STK33: variants seen among roughly 807,000 people sequenced by gnomAD.
STK33 encodes the protein serine/threonine kinase 33, also known as serine/threonine-protein kinase 33.
A neutral mutation model predicts 58.0 loss-of-function variants in STK33; 52 were observed. The ratio of observed to expected loss-of-function variants is 0.90; its 90% CI spans 0.72 to 1.13. The LOEUF is 1.13. STK33 is among the 50% of genes most tolerant of loss of function. The probability of loss-of-function intolerance (pLI) is 0.00; values close to 1 mark genes in which losing one functional copy is unlikely to be tolerated. For missense variants in STK33, 630 were observed against 604.2 expected (o/e 1.04, Z -0.45); for synonymous variants, 215 against 200.1 (o/e 1.07, Z -0.63).
chr11:8,586,218 G>GA (rs142885342), intron 1 of STK33, among the ~76,000 whole-genome samples: 7,623 of 101,774 alleles, frequency 0.075, 285 homozygotes, highest in Middle Eastern at 0.097. Flanking sequence ...TCCTATCTCG[G>GA]AAAAAAAAAA....
At chr11:8,537,023 C>T (rs1404878881) in intron 1 of STK33, among the ~76,000 whole-genome samples, 1 of 128,882 alleles carries the variant, frequency 7.8e-6, no homozygotes, top group Non-Finnish European at 1.6e-5. Flanking sequence ...CTCTGTCACC[C>T]AGGCTGGAGT....
rs867465996 is a variant in STK33 at position 8,459,895 on chromosome 11, A to C, written c.558+1910T>G. On this transcript the variant is annotated intron_variant, in intron 8 of 15. Transcript: ENST00000687296. ...CCAAAGCTGGGGGGGAAATATGCAA[A>C]AAGGGCAGAGGGAACAATCACTGGA... is the stretch of plus-strand genomic sequence containing the variant. 2.0e-5 allele frequency among the ~76,000 whole-genome samples: 3 copies of C among 152,224 alleles called. No homozygotes were observed. In the South Asian group the frequency reaches 6.2e-4, roughly 31 times the overall value.
At chr11:8,496,113 AAAAAG>A (rs1233570948) in intron 1 of STK33, among the ~76,000 whole-genome samples, 1 of 150,050 alleles carries the variant, frequency 6.7e-6, no homozygotes, top group African/African-American at 2.5e-5. Flanking sequence ...ATTTTTTTTG[AAAAAG>A]AAAAGAAAAA....
intron 1 of STK33, among the ~76,000 whole-genome samples, chr11:8,493,846 C>A (rs1234433231): frequency 6.6e-6 from 1 of 152,140 alleles, no homozygotes; most frequent in African/African-American, 2.4e-5. Context: ...ATGACAAAAA[C>A]CACATGACTA....
rs73403698 is a variant in STK33, at chr11:8,484,594, T to C, written c.-465-3980A>G. On this transcript the variant is annotated intron_variant, in intron 1 of 15. Coordinates refer to ENST00000687296, the MANE Select transcript of STK33 (RefSeq NM_001352389.2). Reference sequence around the variant, plus strand: ...CACTCAGATACCACATTTATAAGAATTGTATAATTTAAATATGTAAATGCT... The same window carrying C: ...CACTCAGATACCACATTTATAAGAACTGTATAATTTAAATATGTAAATGCT... Among the ~76,000 whole-genome samples, 534 of 152,310 alleles carry C rather than the reference T, an allele frequency of 3.5e-3. 3 individuals carry two copies. The highest frequency in any genetic ancestry group is 0.011 in the African/African-American group (470 of 41,578).
chr11:8,384,862 G>C, the STK33 span, among the ~76,000 whole-genome samples: 1 of 152,190 alleles, frequency 6.6e-6, no homozygotes, highest in Non-Finnish European at 1.5e-5. Context: ...ATTCATGGTA[G>C]TGGTCCCCTG....
chr11:8,583,471 T>C (rs1321787886), intron 1 of STK33, among the ~76,000 whole-genome samples: 1 of 152,198 alleles, frequency 6.6e-6, no homozygotes. Flanking sequence ...AGTCTTGACA[T>C]GTACTATGGA....
At chr11:8,398,216 G>C in intron 15 of STK33, among the ~76,000 whole-genome samples, 1 of 152,186 alleles carries the variant, frequency 6.6e-6, no homozygotes, top group Non-Finnish European at 1.5e-5. Flanking sequence ...AGAGGGAAAG[G>C]TCGGGTTACC....
intron 1 of STK33, among the ~76,000 whole-genome samples, chr11:8,521,729 T>G (rs1239706388): frequency 6.6e-6 from 1 of 152,174 alleles, no homozygotes; most frequent in Non-Finnish European, 1.5e-5. Flanking sequence ...TCTACCCATC[T>G]GAAAGGGCTA....
chr11:8,535,160 C>G (rs547979942), intron 1 of STK33, among the ~76,000 whole-genome samples: 1 of 152,038 alleles, frequency 6.6e-6, no homozygotes, highest in Non-Finnish European at 1.5e-5. Flanking sequence ...TACTGTCTTC[C>G]GATTTTTTCT....
chr11:8,562,777 T>C (rs189119857), intron 1 of STK33, among the ~76,000 whole-genome samples: 2 of 152,304 alleles, frequency 1.3e-5, no homozygotes, highest in East Asian at 1.9e-4. Flanking sequence ...CATTCATTCA[T>C]CAAATATGCA....
chr11:8,464,778 T>A lies in STK33; in HGVS notation c.384A>T (p.Gly128=). ...CCTTGTCTGTCGCTTCAATGACTATTCCAAAGCTCCCTTTTCCCAATATTC... is the reference window on the plus strand; with the variant it reads ...CCTTGTCTGTCGCTTCAATGACTATACCAAAGCTCCCTTTTCCCAATATTC... ...FGRILGKGSF[G]IVIEATDKET... is the part of the protein sequence containing the mutation. The change falls in exon 7 of 16, where the codon GGA becomes GGT. Residue 128 remains glycine, a synonymous_variant. Transcript: ENST00000687296. The A allele has an allele frequency of 2.5e-6, 4 of 1,613,332 alleles. No homozygotes were observed. The highest frequency in any genetic ancestry group is 1.3e-5 in the African/African-American group (1 of 74,882).
At chr11:8,540,994 CTA>C (rs373430294) in intron 1 of STK33, among the ~76,000 whole-genome samples, 12,145 of 130,368 alleles carry the variant, frequency 0.093, 510 homozygotes, top group South Asian at 0.11. Flanking sequence ...CTCTCTCTCT[CTA>C]TATATATATA....
chr11:8,498,841 C>T lies in STK33; in HGVS notation c.-465-18227G>A, dbSNP rs189449473. On this transcript the variant is annotated intron_variant, in intron 1 of 15. Transcript: ENST00000687296. Reference sequence around the variant, plus strand: ...CAAACAGCAATGGGGAAAGGATTCCCTATTTAATAAATGGTGTTGGGCAAA... The same window carrying T: ...CAAACAGCAATGGGGAAAGGATTCCTTATTTAATAAATGGTGTTGGGCAAA... Among the ~76,000 whole-genome samples the T allele has an allele frequency of 1.3e-4, 20 of 152,292 alleles. No homozygotes were observed. The East Asian group carries it at 3.9e-3, about 29-fold the overall frequency.
chr11:8,413,318 T>A (rs982599639), intron 15 of STK33, among the ~76,000 whole-genome samples, 177 bp downstream of exon 15: 1 of 152,212 alleles, frequency 6.6e-6, no homozygotes. Context: ...AAAATAAACA[T>A]GTAGGCCACC....
In STK33 at chr11:8,474,839, C is replaced by G; in HGVS notation, c.67G>C (p.Asp23His). The change falls in exon 5 of 16, where the codon GAT (aspartate) becomes CAT (histidine). Residue 23 changes from aspartate (D) to histidine (H), a missense_variant. Transcript: ENST00000687296. ...CPDCSSASQK[D>H]VLCVCSSKTR... Reference sequence around the variant, plus strand: ...TTGCTGGAACATACACAAAGTACATCTTTCTGAGAAGCAGATGAACAGTCG... The same window carrying G: ...TTGCTGGAACATACACAAAGTACATGTTTCTGAGAAGCAGATGAACAGTCG... 6.2e-7 allele frequency: 1 copy of G among 1,610,720 alleles called. No individual in the cohort carries two copies. Among genetic ancestry groups the G allele is most frequent in the Non-Finnish European group, 8.5e-7 (1 of 1,178,884 alleles).
intron 14 of STK33, among the ~76,000 whole-genome samples, chr11:8,426,324 C>T (rs1486956359): frequency 6.6e-6 from 1 of 152,192 alleles, no homozygotes; most frequent in African/African-American, 2.4e-5. Context: ...GGCCCTATGC[C>T]GCGGAGTGAC....
At chr11:8,475,669 C>A (rs1207110169) in intron 4 of STK33, 1 of 152,070 alleles carries the variant, frequency 6.6e-6, no homozygotes, top group Non-Finnish European at 1.5e-5. Flanking sequence ...TTCCCTGAGT[C>A]TAAAATAGGT....
In STK33 at chr11:8,517,984, C is replaced by A. The variant is rs1481610828; in HGVS notation, c.-465-37370G>T. ...GGCCAACATTCAAATTCAGGAAATA[C>A]AGAGAACACCATAAAGATACTCCTT... On this transcript the variant is annotated intron_variant, in intron 1 of 15. Transcript: ENST00000687296. 2.0e-5 allele frequency among the ~76,000 whole-genome samples: 3 copies of A among 152,070 alleles called. No individual in the cohort carries two copies. The East Asian group carries it at 5.8e-4, about 29-fold the overall frequency.
Sources: allele counts gnomAD v4.1 joint callset (sites outside exome capture counted in the v4.1 genomes callset), GRCh38; gene constraint gnomAD v4.1.1; transcripts MANE v1.5; gene names NCBI Gene and HGNC (gene_info 2026-07-23, HGNC 2026-07-21).